The following CADM2 variants were observed in gnomAD, a reference collection of about 807,000 sequenced individuals.
The protein encoded by CADM2 is cell adhesion molecule 2.
Under a neutral mutation model 49.8 loss-of-function variants are expected in CADM2, and 12 were observed. The ratio of observed to expected loss-of-function variants is 0.24; its 90% CI spans 0.15 to 0.39. The LOEUF is 0.39. Among genes scored for constraint, CADM2 ranks in the 10% least tolerant of loss-of-function variants. CADM2 has a pLI of 1.00. For missense variants in CADM2, 378 were observed against 492.3 expected (o/e 0.77, Z 2.20); for synonymous variants, 214 against 175.4 (o/e 1.22, Z -1.74).
intron 8 of CADM2, among the ~76,000 whole-genome samples, chr3:85,976,053 A>T (rs1397227790): frequency 2.0e-5 from 3 of 151,584 alleles, no homozygotes; most frequent in African/African-American, 7.3e-5. Flanking sequence ...CCTATGGAAA[A>T]AATTAATAAG....
At position 85,961,462 on chromosome 3, in the gene CADM2, C is replaced by G. The variant is rs1362987059; in HGVS notation, c.792-7C>G. 1 of 1,563,012 alleles carries G rather than the reference C, an allele frequency of 6.4e-7. No homozygotes were observed. Reference sequence around the variant, plus strand: ...TTGCTATCTACATGCATGTTTCAATCCAATAGGCCAGAACCTGTTTTGTGG... The same window carrying G: ...TTGCTATCTACATGCATGTTTCAATGCAATAGGCCAGAACCTGTTTTGTGG... On this transcript the variant is annotated splice_polypyrimidine_tract_variant and splice_region_variant and intron_variant, in intron 7 of 9. Transcript: ENST00000383699.
chr3:85,380,885 GCA>G (rs1487372492), intron 1 of CADM2, among the ~76,000 whole-genome samples: 1 of 151,968 alleles, frequency 6.6e-6, no homozygotes. Context: ...AGTTAAAATA[GCA>G]CAGATAAATT....
chr3:85,785,844 T>G (rs2070951524), intron 2 of CADM2, among the ~76,000 whole-genome samples: 1 of 152,072 alleles, frequency 6.6e-6, no homozygotes, highest in Non-Finnish European at 1.5e-5. Context: ...TCAATACTGA[T>G]AATTTATTAT....
intron 8 of CADM2, chr3:86,013,020 T>G (rs1361365617): frequency 1.0e-6 from 1 of 996,432 alleles, no homozygotes; most frequent in East Asian, 2.4e-5. Flanking sequence ...TTATCGATTA[T>G]GTGCCAAACA....
chr3:85,546,166 G>T (rs1218345436), intron 1 of CADM2, among the ~76,000 whole-genome samples: 1 of 152,094 alleles, frequency 6.6e-6, no homozygotes, highest in African/African-American at 2.4e-5. Flanking sequence ...TCCTAAGAAG[G>T]TGATCTGATA....
chr3:85,290,430 G>C (rs1355830542), intron 1 of CADM2, among the ~76,000 whole-genome samples: 1 of 152,224 alleles, frequency 6.6e-6, no homozygotes, highest in African/African-American at 2.4e-5. Context: ...ACTGGGTGGA[G>C]CCCACCACAG....
At chr3:85,482,233 C>G (rs559895173) in intron 1 of CADM2, among the ~76,000 whole-genome samples, 1 of 151,798 alleles carries the variant, frequency 6.6e-6, no homozygotes, top group South Asian at 2.1e-4. Flanking sequence ...GCCTGCTACT[C>G]TAGCGTGACC....
At chr3:85,873,161 G>A (rs2075994154) in intron 3 of CADM2, among the ~76,000 whole-genome samples, 1 of 152,052 alleles carries the variant, frequency 6.6e-6, no homozygotes, top group South Asian at 2.1e-4. Flanking sequence ...ACTCTTTAAA[G>A]GGCCAACCTC....
chr3:85,871,689 A>G (rs2075935244), intron 3 of CADM2, among the ~76,000 whole-genome samples: 1 of 152,174 alleles, frequency 6.6e-6, no homozygotes, highest in Non-Finnish European at 1.5e-5. Context: ...TCCATAAATT[A>G]ACATTACTCT....
chr3:85,504,370 G>T (rs2107670961), intron 1 of CADM2, among the ~76,000 whole-genome samples: 1 of 152,302 alleles, frequency 6.6e-6, no homozygotes, highest in Non-Finnish European at 1.5e-5. Flanking sequence ...GTGAGCAGTG[G>T]CAAGATTTAC....
chr3:85,846,415 C>A (rs2074881843), intron 3 of CADM2, among the ~76,000 whole-genome samples: 1 of 152,012 alleles, frequency 6.6e-6, no homozygotes, highest in Non-Finnish European at 1.5e-5. Flanking sequence ...TTTGTTGTTT[C>A]AATTTCTTAT....
intron 1 of CADM2, among the ~76,000 whole-genome samples, chr3:85,197,250 A>T (rs2041365531): frequency 6.6e-6 from 1 of 151,936 alleles, no homozygotes. Context: ...TAGAGAAAAA[A>T]AAACACATCC....
At chr3:85,007,552 C>A (rs1448192379) in intron 1 of CADM2, among the ~76,000 whole-genome samples, 1 of 151,960 alleles carries the variant, frequency 6.6e-6, no homozygotes, top group Admixed American at 6.6e-5. Flanking sequence ...GTAAAGACGT[C>A]CAAAGGATGC....
In CADM2 at chr3:85,365,088, G is replaced by C. The variant is rs2032653830; in HGVS notation, c.62-361434G>C. On this transcript the variant is annotated intron_variant, in intron 1 of 9. Transcript: ENST00000383699. Reference sequence around the variant, plus strand: ...TATTTTTATTCACAATATTTAAAAAGACAAAGCTTTAAAAATATTTTGTAT... The same window carrying C: ...TATTTTTATTCACAATATTTAAAAACACAAAGCTTTAAAAATATTTTGTAT... 2.7e-5 allele frequency among the ~76,000 whole-genome samples: 4 copies of C among 148,032 alleles called. No homozygotes were observed. In the South Asian group the frequency reaches 8.6e-4, roughly 32 times the overall value.
intron 1 of CADM2, among the ~76,000 whole-genome samples, chr3:85,163,092 A>C (rs1057323047): frequency 6.6e-6 from 1 of 152,082 alleles, no homozygotes; most frequent in African/African-American, 2.4e-5. Context: ...TTTATGCAAC[A>C]CAGTCATGTT....
At chr3:85,638,479 G>GAAC (rs2064589012) in intron 1 of CADM2, among the ~76,000 whole-genome samples, 2 of 152,010 alleles carry the variant, frequency 1.3e-5, no homozygotes, top group Admixed American at 6.6e-5. Context: ...AGAACAAGAG[G>GAAC]TGTTTGCTTT....
chr3:85,153,886 T>A (rs932569836), intron 1 of CADM2, among the ~76,000 whole-genome samples: 17 of 152,052 alleles, frequency 1.1e-4, no homozygotes, highest in Non-Finnish European at 2.2e-4. Context: ...GTCCTGACTG[T>A]TAGAAGGAAA....
intron 1 of CADM2, among the ~76,000 whole-genome samples, chr3:85,101,666 A>G (rs767837231): frequency 2.0e-5 from 3 of 152,234 alleles, no homozygotes; most frequent in Non-Finnish European, 4.4e-5. Context: ...TCAGAATTGC[A>G]TGACTACAGC....
chr3:85,984,779 A>G (rs555235492), intron 8 of CADM2, among the ~76,000 whole-genome samples: 3 of 152,088 alleles, frequency 2.0e-5, no homozygotes, highest in East Asian at 3.9e-4. Flanking sequence ...AAAACTTCAA[A>G]TGAATTGTTG....
Sources: gnomAD v4.1 joint callset for allele counts (sites outside exome capture counted in the v4.1 genomes callset) on GRCh38, gnomAD v4.1.1 for gene constraint, MANE v1.5 for transcripts, NCBI Gene and HGNC (gene_info 2026-07-23, HGNC 2026-07-21) for gene names.